FABP6: variants seen among roughly 807,000 people sequenced by gnomAD.
FABP6 encodes the protein gastrotropin.
In FABP6, 13 loss-of-function variants were observed where a neutral mutation model predicts 14.9. That is an observed-to-expected ratio of 0.87 (90% CI 0.57 to 1.39). The LOEUF (loss-of-function observed/expected upper bound fraction) is 1.39, where lower values mean the gene tolerates loss of function less well. FABP6 is among the 40% of genes most tolerant of loss of function. The pLI, the probability that FABP6 is intolerant of heterozygous loss-of-function variation, is 0.00. For synonymous variants in FABP6, 75 were observed against 63.6 expected (o/e 1.18, Z -0.85); for missense variants, 161 against 167.2 (o/e 0.96, Z 0.20).
At chr5:160,193,202 G>A (rs1348130370) in intron 1 of FABP6, among the ~76,000 whole-genome samples, 1 of 152,088 alleles carries the variant, frequency 6.6e-6, no homozygotes, top group African/African-American at 2.4e-5. Context: ...TGGGTTCGTG[G>A]TCTCGCTGGC....
chr5:160,234,943 G>A (rs1459896605), intron 3 of FABP6, 34 bp downstream of exon 3: 1 of 1,589,000 alleles, frequency 6.3e-7, no homozygotes, highest in Non-Finnish European at 8.6e-7. Context: ...GATGATTATT[G>A]GATATTTGTC....
At chr5:160,199,425 C>A (rs1027033255) in intron 2 of FABP6, among the ~76,000 whole-genome samples, 6 of 152,180 alleles carry the variant, frequency 3.9e-5, no homozygotes, top group Non-Finnish European at 7.4e-5. Flanking sequence ...CCCCTAGAGA[C>A]GATGGCGGTG....
chr5:160,215,517 G>GA (rs35492213), intron 3 of FABP6, among the ~76,000 whole-genome samples: 10,156 of 135,822 alleles, frequency 0.075, 565 homozygotes, highest in East Asian at 0.37. Context: ...CTGTCTCAGA[G>GA]AAAAAAAAAA....
chr5:160,218,780 T>A (rs2113117105), intron 3 of FABP6, among the ~76,000 whole-genome samples: 1 of 150,582 alleles, frequency 6.6e-6, no homozygotes, highest in East Asian at 2.0e-4. Context: ...TTTTTATGAG[T>A]TGGGGTCTCA....
chr5:160,199,034 T>G, intron 1 of FABP6: 1 of 1,538,562 alleles, frequency 6.5e-7, no homozygotes, highest in Non-Finnish European at 9.0e-7. Flanking sequence ...GTGCTGGCTT[T>G]TTGTGTCATT....
At chr5:160,207,237 T>A (rs2113093411) in intron 2 of FABP6, among the ~76,000 whole-genome samples, 1 of 152,286 alleles carries the variant, frequency 6.6e-6, no homozygotes, top group African/African-American at 2.4e-5. Context: ...ACCTCTAAAC[T>A]CCCATGGCCC....
upstream of FABP6, among the ~76,000 whole-genome samples, chr5:160,227,819 C>T (rs4310009): frequency 0.44 from 64,550 of 145,520 alleles, 14,362 homozygotes; most frequent in African/African-American, 0.52. Context: ...AAATCCATGA[C>T]GTGTGTGTGT....
At position 160,229,611 on chromosome 5, in the gene FABP6, C is replaced by T. The variant is rs767249455; in HGVS notation, c.54C>T (p.Phe18=). 6.2e-7 allele frequency: 1 copy of T among 1,613,884 alleles called. No homozygotes were observed. The highest frequency in any genetic ancestry group is 8.5e-7 in the Non-Finnish European group (1 of 1,179,892). Reference sequence around the variant, plus strand: ...AGAGTGAGAAGAATTATGATGAGTTCATGAAGCTCCTTGGTGAGTGAGCTC... The same window carrying T: ...AGAGTGAGAAGAATTATGATGAGTTTATGAAGCTCCTTGGTGAGTGAGCTC... ...EMESEKNYDE[F]MKLLGISSDV... is the part of the protein sequence containing the mutation. Residue 18 remains phenylalanine (F), a synonymous_variant, in exon 1 of 4, where the codon TTC becomes TTT. Coordinates refer to ENST00000402432, the MANE Select transcript of FABP6 (RefSeq NM_001445.3).
chr5:160,188,633 C>G (rs943587941), intron 1 of FABP6, among the ~76,000 whole-genome samples: 1 of 152,212 alleles, frequency 6.6e-6, no homozygotes, highest in Non-Finnish European at 1.5e-5. Flanking sequence ...CCCTGGGCTG[C>G]GACCCCCGAC....
chr5:160,199,992 A>G (rs1011103125), intron 2 of FABP6, among the ~76,000 whole-genome samples: 2 of 152,146 alleles, frequency 1.3e-5, no homozygotes, highest in African/African-American at 4.8e-5. Context: ...CGCACCACAC[A>G]GGACGTCCTG....
At chr5:160,238,437 T>G (rs1381787535) in intron 3 of FABP6, among the ~76,000 whole-genome samples, 169 bp from the exon 4 acceptor site, 1 of 151,552 alleles carries the variant, frequency 6.6e-6, no homozygotes, top group African/African-American at 2.4e-5. Context: ...TCACAGGGAG[T>G]CTTCACACTG....
Position 160,229,826 on chromosome 5 carries a change from ATTTTATTTT to A in FABP6, c.67+203_67+211del, listed in dbSNP as rs1760333167. On this transcript the variant is annotated intron_variant, in intron 1 of 3. Coordinates refer to ENST00000402432, the MANE Select transcript of FABP6 (RefSeq NM_001445.3). Reference sequence around the variant, plus strand: ...AACTAAGACACTCTTTAACTTTTTTATTTTATTTTATTTTATTTTATTTTATTTTATTTT... The same window carrying A: ...AACTAAGACACTCTTTAACTTTTTTAATTTTATTTTATTTTATTTTATTTT... 0.012 allele frequency among the ~76,000 whole-genome samples: 4 copies of A among 322 alleles called. No individual in the cohort carries two copies. The South Asian group carries it at 0.15, about 12-fold the overall frequency. 0.2% of individuals were successfully genotyped at this position (322 alleles called of 152,430 possible). A position where few individuals can be genotyped will look rare whatever the true frequency, so the allele number is the denominator to read the frequency against.
At chr5:160,220,472 G>C (rs1760106302) in intron 3 of FABP6, among the ~76,000 whole-genome samples, 1 of 152,016 alleles carries the variant, frequency 6.6e-6, no homozygotes, top group Non-Finnish European at 1.5e-5. Context: ...AGCCGTGCGT[G>C]GTGGAGCATG....
At chr5:160,193,949 G>C (rs190884827) in intron 1 of FABP6, among the ~76,000 whole-genome samples, 3,548 of 152,356 alleles carry the variant, frequency 0.023, 67 homozygotes, top group Non-Finnish European at 0.035. Flanking sequence ...GGCAGGGGGC[G>C]GCGCTCGTCG....
At chr5:160,229,732 C>T in intron 1 of FABP6, 108 bp downstream of exon 1, 1 of 943,498 alleles carries the variant, frequency 1.1e-6, no homozygotes. Context: ...TTCATTCACT[C>T]ACTCACTCAT....
chr5:160,224,936 C>T (rs974369924), upstream of FABP6, among the ~76,000 whole-genome samples: 3 of 151,780 alleles, frequency 2.0e-5, no homozygotes, highest in Non-Finnish European at 4.4e-5. Flanking sequence ...TGCCGTCATG[C>T]CTAGCTAATT....
intron 3 of FABP6, among the ~76,000 whole-genome samples, chr5:160,217,291 G>A (rs1046453407): frequency 6.6e-6 from 1 of 152,202 alleles, no homozygotes; most frequent in African/African-American, 2.4e-5. Flanking sequence ...TAAGTTCAGA[G>A]TAGAGATCTG....
upstream of FABP6, among the ~76,000 whole-genome samples, chr5:160,226,438 G>T (rs1760248646): frequency 6.8e-6 from 1 of 147,990 alleles, no homozygotes; most frequent in Non-Finnish European, 1.5e-5. Flanking sequence ...GTGGGCACCT[G>T]TAATCCCAGC....
upstream of FABP6, chr5:160,229,469 G>A: frequency 1.2e-6 from 2 of 1,601,052 alleles, no homozygotes; most frequent in Non-Finnish European, 1.7e-6. Flanking sequence ...CTCAGCAACT[G>A]GGAGAGTTTA....
Sources: gnomAD v4.1 joint callset for allele counts (sites outside exome capture counted in the v4.1 genomes callset) on GRCh38, gnomAD v4.1.1 for gene constraint, MANE v1.5 for transcripts, NCBI Gene and HGNC (gene_info 2026-07-23, HGNC 2026-07-21) for gene names.